The following SLC9C1 variants were observed in gnomAD, a reference collection of about 807,000 sequenced individuals.
SLC9C1 encodes the protein solute carrier family 9 member C1.
Under a neutral mutation model 140.9 loss-of-function variants are expected in SLC9C1, and 97 were observed. That is an observed-to-expected ratio of 0.69 (90% CI 0.58 to 0.82). The LOEUF (loss-of-function observed/expected upper bound fraction) is 0.82. Ranked by LOEUF, SLC9C1 falls within the 40% of genes least tolerant of loss-of-function variation. SLC9C1 has a pLI of 0.00. For synonymous variants in SLC9C1, 440 were observed against 442.6 expected (o/e 0.99, Z 0.07); for missense variants, 1,340 against 1,389.3 (o/e 0.96, Z 0.56).
At chr3:112,143,168 C>A (rs2074682462) in intron 28 of SLC9C1, among the ~76,000 whole-genome samples, 1 of 151,900 alleles carries the variant, frequency 6.6e-6, no homozygotes, top group Non-Finnish European at 1.5e-5. Flanking sequence ...CATGTCTTTG[C>A]TATTTATTGT....
intron 14 of SLC9C1, among the ~76,000 whole-genome samples, chr3:112,219,915 T>C (rs1297459531): frequency 6.6e-6 from 1 of 152,164 alleles, no homozygotes; most frequent in Non-Finnish European, 1.5e-5. Flanking sequence ...AATATATTAA[T>C]GATGCTTTTT....
At chr3:112,247,824 A>G (rs1003010877) in intron 10 of SLC9C1, among the ~76,000 whole-genome samples, 1 of 152,048 alleles carries the variant, frequency 6.6e-6, no homozygotes, top group Non-Finnish European at 1.5e-5. Flanking sequence ...TACTGCATAC[A>G]TCTCACTCTG....
intron 13 of SLC9C1, among the ~76,000 whole-genome samples, chr3:112,227,314 T>C (rs1356219637): frequency 6.6e-6 from 1 of 152,140 alleles, no homozygotes; most frequent in Non-Finnish European, 1.5e-5. Flanking sequence ...CTAATATCCC[T>C]CATGAACACA....
At chr3:112,191,309 G>T (rs774226168) in intron 20 of SLC9C1, among the ~76,000 whole-genome samples, 2 of 152,088 alleles carry the variant, frequency 1.3e-5, no homozygotes, top group Non-Finnish European at 2.9e-5. Flanking sequence ...CCTCATTGAG[G>T]ATGATGTGAG....
chr3:112,208,392 GT>G lies in SLC9C1; in HGVS notation c.1791-20del. The G allele has an allele frequency of 6.9e-7, 1 of 1,455,618 alleles. No homozygotes were observed. Among genetic ancestry groups the G allele is most frequent in the Non-Finnish European group, 9.3e-7 (1 of 1,080,208 alleles). The allele number at this position is 1,455,618 out of a possible 1,614,324, so 90.2% of individuals were successfully genotyped here. A position where few individuals can be genotyped will look rare whatever the true frequency, so the allele number is the denominator to read the frequency against. On this transcript the variant is annotated intron_variant, in intron 15 of 28. Transcript: ENST00000305815. ...GAAGTATCTGTAAAACAAAAAGACA[GT>G]TTTATCTGATAAAAGGTTTACATTA...
At chr3:112,228,473 C>A (rs931461859) in intron 13 of SLC9C1, among the ~76,000 whole-genome samples, 1 of 151,934 alleles carries the variant, frequency 6.6e-6, no homozygotes, top group Non-Finnish European at 1.5e-5. Flanking sequence ...TTGGACTGGG[C>A]AAGGATTTCA....
intron 1 of SLC9C1, among the ~76,000 whole-genome samples, chr3:112,293,112 C>A (rs76036747): frequency 1.6e-3 from 211 of 128,852 alleles, no homozygotes; most frequent in Non-Finnish European, 2.0e-3. Context: ...ACTAAAAATA[C>A]AAAAAAAAAA....
rs139368845 is a variant in SLC9C1, at chr3:112,188,316, G to A, written c.2524-6058C>T. 6.5e-3 allele frequency among the ~76,000 whole-genome samples: 982 copies of A among 152,022 alleles called. 8 individuals are homozygous for A. The highest frequency in any genetic ancestry group is 9.1e-3 in the Non-Finnish European group (616 of 67,960). ...TTTGTTACATAGGTATACTTGTGCC[G>A]TGTTGGTTTGCTGCACCCATTAACT... On this transcript the variant is annotated intron_variant, in intron 20 of 28. Transcript: ENST00000305815.
chr3:112,222,763 C>T (rs886427760), intron 13 of SLC9C1, among the ~76,000 whole-genome samples: 6 of 152,098 alleles, frequency 3.9e-5, no homozygotes, highest in Admixed American at 6.6e-5. Flanking sequence ...AAGACATGGC[C>T]TCATAACATT....
intron 27 of SLC9C1, 95 bp from the exon 28 acceptor site, chr3:112,152,058 G>GA (rs746388781): frequency 1.2e-5 from 11 of 896,298 alleles, no homozygotes; most frequent in Non-Finnish European, 1.6e-5. Flanking sequence ...GCAAGGTGGA[G>GA]ATGAGAGACT....
intron 27 of SLC9C1, among the ~76,000 whole-genome samples, chr3:112,153,354 T>C (rs1399857263): frequency 8.5e-5 from 1 of 11,748 alleles, no homozygotes; most frequent in Non-Finnish European, 1.7e-4. Context: ...TAAGGCAGCA[T>C]TGTTAAAAAA....
At chr3:112,187,203 C>T (rs545871307) in intron 20 of SLC9C1, among the ~76,000 whole-genome samples, 1 of 152,268 alleles carries the variant, frequency 6.6e-6, no homozygotes, top group South Asian at 2.1e-4. Context: ...TTTTTTCTCT[C>T]ATAAAATAGG....
At chr3:112,273,100 G>A (rs2080119669) in intron 6 of SLC9C1, among the ~76,000 whole-genome samples, 1 of 152,046 alleles carries the variant, frequency 6.6e-6, no homozygotes, top group South Asian at 2.1e-4. Context: ...CCTCCTGAAT[G>A]GCATGCACAA....
At chr3:112,189,551 G>T (rs2077608745) in intron 20 of SLC9C1, among the ~76,000 whole-genome samples, 1 of 152,020 alleles carries the variant, frequency 6.6e-6, no homozygotes, top group Non-Finnish European at 1.5e-5. Context: ...GATGTGTAGT[G>T]TTATTTCTGA....
intron 28 of SLC9C1, among the ~76,000 whole-genome samples, chr3:112,143,138 A>G (rs2074681457): frequency 6.6e-6 from 1 of 152,122 alleles, no homozygotes; most frequent in Non-Finnish European, 1.5e-5. Context: ...CCCACCACTG[A>G]TGAGCACCTA....
At chr3:112,233,383 G>T (rs1174366702) in intron 12 of SLC9C1, among the ~76,000 whole-genome samples, 1 of 151,828 alleles carries the variant, frequency 6.6e-6, no homozygotes, top group East Asian at 1.9e-4. Flanking sequence ...TCTTTTAAAG[G>T]GAGCTCCAAT....
rs534341991 is a variant in SLC9C1, at chr3:112,199,229, A to G, written c.2523+92T>C. Reference sequence around the variant, plus strand: ...TAAGTGAGATTTTCCTATCTTAGAAATGGCCTGTATTAGAAGTCAAATGTA... The same window carrying G: ...TAAGTGAGATTTTCCTATCTTAGAAGTGGCCTGTATTAGAAGTCAAATGTA... On this transcript the variant is annotated intron_variant, in intron 20 of 28. Transcript: ENST00000305815. 28 of 986,026 alleles carry G rather than the reference A, an allele frequency of 2.8e-5. No individual in the cohort carries two copies. In the African/African-American group the frequency reaches 4.2e-4, roughly 15 times the overall value. The allele number at this position is 986,026 out of a possible 1,614,324, so 61.1% of individuals were successfully genotyped here. A position where few individuals can be genotyped will look rare whatever the true frequency, so the allele number is the denominator to read the frequency against.
At chr3:112,292,596 T>C (rs1454566745) in intron 1 of SLC9C1, among the ~76,000 whole-genome samples, 1 of 152,146 alleles carries the variant, frequency 6.6e-6, no homozygotes, top group Non-Finnish European at 1.5e-5. Context: ...CAGGCTGGAG[T>C]GCAGTGGTGC....
At chr3:112,156,966 G>T (rs544451501) in intron 26 of SLC9C1, among the ~76,000 whole-genome samples, 2 of 152,134 alleles carry the variant, frequency 1.3e-5, no homozygotes, top group African/African-American at 4.8e-5. Context: ...CTGTTATTCT[G>T]TAGGTTGTCT....
Sources: gnomAD v4.1 joint callset for allele counts (sites outside exome capture counted in the v4.1 genomes callset) on GRCh38, gnomAD v4.1.1 for gene constraint, MANE v1.5 for transcripts, NCBI Gene and HGNC (gene_info 2026-07-23, HGNC 2026-07-21) for gene names.